ALDH1A2: variants seen among roughly 807,000 people sequenced by gnomAD.
ALDH1A2 encodes aldehyde dehydrogenase 1 family member A2.
In ALDH1A2, 27 loss-of-function variants were observed where a neutral mutation model predicts 60.3. That is an observed-to-expected ratio of 0.45 (90% confidence interval 0.33 to 0.62). The LOEUF (loss-of-function observed/expected upper bound fraction) is 0.62, where lower values mean the gene tolerates loss of function less well. Among genes scored for constraint, ALDH1A2 ranks in the 20% least tolerant of loss-of-function variants. The pLI is 0.02. For synonymous variants in ALDH1A2, 289 were observed against 232.4 expected, an observed-to-expected ratio of 1.24 and a Z score of -2.21; for missense variants, 581 against 643.8, an observed-to-expected ratio of 0.90 and a Z score of 1.06.
rs1013926422 is a variant in ALDH1A2 at position 57,955,209 on chromosome 15, C to T, written c.1545G>A (p.Gln515=). The change falls in exon 13 of 13, where the codon CAG becomes CAA. Residue 515 remains glutamine, a synonymous_variant. Transcript: ENST00000249750. The stretch of plus-strand genomic sequence containing the variant: ...CTTCTTGGCCTTCTTAGGAGTTCTT[C>T]TGGGGGATCTTTACTGTCACCGTCT... ...EVKTVTVKIP[Q]KNS The T allele has an allele frequency of 6.2e-6, 10 of 1,613,990 alleles. No homozygotes were observed. In the Admixed American group the frequency reaches 6.7e-5, roughly 11 times the overall value.
intron 11 of ALDH1A2, 138 bp downstream of exon 11, chr15:57,960,999 C>A: frequency 7.5e-7 from 1 of 1,333,566 alleles, no homozygotes; most frequent in South Asian, 1.3e-5. Context: ...TGGATCTAAG[C>A]AGTAAGGAGT....
At chr15:57,984,943 A>G (rs1472771739) in intron 7 of ALDH1A2, among the ~76,000 whole-genome samples, 1 of 152,146 alleles carries the variant, frequency 6.6e-6, no homozygotes, top group African/African-American at 2.4e-5. Context: ...CATATATAAA[A>G]CCAATCTTGC....
In ALDH1A2 at chr15:57,986,243, T is replaced by C. The variant is rs1383466870; in HGVS notation, c.798+6462A>G. On this transcript the variant is annotated intron_variant, in intron 7 of 12. Coordinates refer to ENST00000249750, the MANE Select transcript of ALDH1A2 (RefSeq NM_003888.4). ...AGAGAAAAGGAAATCCTTTTGTGCCTAAACTTTCTAGATTGCAGTATGGTA... is the reference window on the plus strand; with the variant it reads ...AGAGAAAAGGAAATCCTTTTGTGCCCAAACTTTCTAGATTGCAGTATGGTA... 1.0e-3 allele frequency among the ~76,000 whole-genome samples: 156 copies of C among 152,118 alleles called. 1 individual carries two copies. The highest frequency in any genetic ancestry group is 1.2e-4 in the Non-Finnish European group (8 of 68,022).
intron 5 of ALDH1A2, among the ~76,000 whole-genome samples, chr15:57,994,624 T>C (rs1468114843): frequency 2.0e-5 from 3 of 152,154 alleles, no homozygotes; most frequent in African/African-American, 7.2e-5. Flanking sequence ...ACGTTAACTG[T>C]AGTGCTGTGT....
chr15:57,980,502 C>A, intron 7 of ALDH1A2: 2 of 277,756 alleles, frequency 7.2e-6, no homozygotes, highest in South Asian at 1.0e-4. Flanking sequence ...TTCTGGAAGT[C>A]AGGCTCAATG....
intron 1 of ALDH1A2, among the ~76,000 whole-genome samples, chr15:58,043,574 T>C (rs1490674910): frequency 6.6e-6 from 1 of 152,020 alleles, no homozygotes; most frequent in African/African-American, 2.4e-5. Flanking sequence ...ACTGCCTTCT[T>C]TTCCAATTAT....
At chr15:58,045,440 C>T (rs1012812782) in intron 1 of ALDH1A2, among the ~76,000 whole-genome samples, 11 of 152,090 alleles carry the variant, frequency 7.2e-5, no homozygotes, top group African/African-American at 2.4e-4. Context: ...AAGACACACG[C>T]ACACGTATGT....
intron 1 of ALDH1A2, 108 bp downstream of exon 1, chr15:58,065,426 C>G (rs1426312118): frequency 2.0e-6 from 2 of 989,782 alleles, no homozygotes; most frequent in African/African-American, 1.6e-5. Flanking sequence ...AGGCTGGCCC[C>G]GACGACCCCG....
intron 1 of ALDH1A2, among the ~76,000 whole-genome samples, chr15:58,035,906 T>C (rs1896366166): frequency 6.6e-6 from 1 of 151,682 alleles, no homozygotes; most frequent in Non-Finnish European, 1.5e-5. Flanking sequence ...TTTATTTTAC[T>C]AGTCCCAGAA....
At position 58,065,527 on chromosome 15, in the gene ALDH1A2, C is replaced by G; in HGVS notation, c.117+7G>C. 6.2e-7 allele frequency: 1 copy of G among 1,609,684 alleles called. No individual in the cohort carries two copies. The highest frequency in any genetic ancestry group is 8.5e-7 in the Non-Finnish European group (1 of 1,176,056). On this transcript the variant is annotated splice_region_variant and intron_variant, in intron 1 of 12. Coordinates refer to ENST00000249750, the MANE Select transcript of ALDH1A2 (RefSeq NM_003888.4). ...CCGTGGACGACGGGCGCTGGGCGGC[C>G]GCTTACCTTGGTGTACTTAATTTCG...
At chr15:58,053,129 T>C (rs1206076799) in intron 1 of ALDH1A2, among the ~76,000 whole-genome samples, 1 of 152,064 alleles carries the variant, frequency 6.6e-6, no homozygotes, top group Non-Finnish European at 1.5e-5. Flanking sequence ...AGTCTACAAA[T>C]TAAACAGTAA....
chr15:58,036,860 C>CT (rs1159225206), intron 1 of ALDH1A2: 1 of 151,580 alleles, frequency 6.6e-6, no homozygotes, highest in Non-Finnish European at 1.5e-5. Flanking sequence ...TAGAATAACA[C>CT]TTTGGGGAAA....
chr15:57,984,534 T>G (rs1162018726), intron 7 of ALDH1A2, among the ~76,000 whole-genome samples: 5 of 152,160 alleles, frequency 3.3e-5, no homozygotes, highest in Admixed American at 6.5e-5. Flanking sequence ...CACTTTCCAT[T>G]CTCCCAGTCC....
chr15:57,994,867 G>C (rs945128451), intron 5 of ALDH1A2, among the ~76,000 whole-genome samples: 3 of 152,066 alleles, frequency 2.0e-5, no homozygotes, highest in Admixed American at 6.6e-5. Context: ...CATGACTTGA[G>C]AATTCAACTC....
intron 1 of ALDH1A2, among the ~76,000 whole-genome samples, chr15:58,027,951 T>C (rs1896123990): frequency 6.6e-5 from 10 of 152,014 alleles, no homozygotes. Context: ...ACGGGGACAA[T>C]GGAACCAAGT....
intron 1 of ALDH1A2, among the ~76,000 whole-genome samples, chr15:58,018,481 A>G (rs1260942258): frequency 6.6e-6 from 1 of 152,188 alleles, no homozygotes; most frequent in African/African-American, 2.4e-5. Context: ...AAAAATCATC[A>G]CTAGATAGTA....
intron 12 of ALDH1A2, among the ~76,000 whole-genome samples, chr15:57,956,432 T>C (rs1893529078): frequency 6.6e-6 from 1 of 152,238 alleles, no homozygotes; most frequent in Admixed American, 6.5e-5. Context: ...AAATGATTCA[T>C]TCAGGTTCCT....
intron 1 of ALDH1A2, among the ~76,000 whole-genome samples, chr15:58,046,730 C>T (rs1358096007): frequency 6.6e-5 from 10 of 152,018 alleles, no homozygotes; most frequent in African/African-American, 2.2e-4. Context: ...GGGAGTTTCT[C>T]TCTTCCCTAA....
intron 1 of ALDH1A2, among the ~76,000 whole-genome samples, chr15:58,050,131 T>C (rs1429689162): frequency 2.0e-5 from 3 of 152,078 alleles, no homozygotes; most frequent in African/African-American, 7.2e-5. Context: ...GCAATTCATT[T>C]AGGAGATTAA....
Sources: gnomAD v4.1 joint callset for allele counts (sites outside exome capture counted in the v4.1 genomes callset) on GRCh38, gnomAD v4.1.1 for gene constraint, MANE v1.5 for transcripts, NCBI Gene and HGNC (gene_info 2026-07-23, HGNC 2026-07-21) for gene names.